The following TET3 variants were observed in gnomAD, a reference collection of about 807,000 sequenced individuals.
TET3 encodes tet methylcytosine dioxygenase 3, also known as methylcytosine dioxygenase TET3.
A neutral mutation model predicts 141.4 loss-of-function variants in TET3; 19 were observed. The observed-to-expected ratio is 0.13, with a 90% CI of 0.09 to 0.20. The LOEUF (loss-of-function observed/expected upper bound fraction) is 0.20. Ranked by LOEUF, TET3 falls within the 10% of genes least tolerant of loss-of-function variation. TET3 has a pLI of 1.00. For missense variants in TET3, 1,874 were observed against 2,356.9 expected (o/e 0.80, Z 4.24); for synonymous variants, 1,043 against 980.9 (o/e 1.06, Z -1.18).
At position 74,093,499 on chromosome 2, in the gene TET3, G is replaced by C. The variant is rs765174475; in HGVS notation, c.3130-30G>C. On this transcript the variant is annotated intron_variant, in intron 9 of 11. Transcript: ENST00000409262. This position sits in a 1 kb window ranked among gnomAD's most constrained non-coding sequence, Gnocchi z 4.2. Reference sequence around the variant, plus strand: ...ATCGGGGCCACTCACCTCAGGTCATGTGAGCACCTCTCCTTGGCTGTCTAC... The same window carrying C: ...ATCGGGGCCACTCACCTCAGGTCATCTGAGCACCTCTCCTTGGCTGTCTAC... 2.5e-6 allele frequency: 4 copies of C among 1,573,024 alleles called. No homozygotes were observed. The highest frequency in any genetic ancestry group is 1.7e-4 in the Middle Eastern group (1 of 5,876).
chr2:74,066,488 A>G (rs1010237135), intron 4 of TET3, among the ~76,000 whole-genome samples: 3 of 152,206 alleles, frequency 2.0e-5, no homozygotes, highest in Non-Finnish European at 4.4e-5. Context: ...AAATTTGTAC[A>G]TGTATACTAG....
chr2:74,090,508 C>T (rs898577107), intron 8 of TET3, among the ~76,000 whole-genome samples: 1 of 152,208 alleles, frequency 6.6e-6, no homozygotes, highest in African/African-American at 2.4e-5. Context: ...ACAGATGTCT[C>T]TGGGCAGTCA....
At chr2:74,135,260 C>T in the TET3 span, 1 of 457,894 alleles carries the variant, frequency 2.2e-6, no homozygotes, top group Non-Finnish European at 3.9e-6. Context: ...GAGGCCTGAG[C>T]AGTTTCGTGG....
chr2:74,074,585 G>A (rs949911922), intron 5 of TET3, among the ~76,000 whole-genome samples: 1 of 152,224 alleles, frequency 6.6e-6, no homozygotes, highest in African/African-American at 2.4e-5. Flanking sequence ...GCAGGGACTT[G>A]AGCCAGACTG....
intron 6 of TET3, among the ~76,000 whole-genome samples, chr2:74,083,234 TG>T (rs1344691030): frequency 6.6e-6 from 1 of 152,210 alleles, no homozygotes; most frequent in East Asian, 1.9e-4. Context: ...AGGCGTGCCC[TG>T]GTTGCACTCT....
intron 2 of TET3, among the ~76,000 whole-genome samples, chr2:73,990,076 T>C (rs1004252921): frequency 5.3e-5 from 8 of 152,100 alleles, no homozygotes; most frequent in African/African-American, 1.9e-4. Flanking sequence ...TAAACAACTG[T>C]GCATTAGTCT....
At chr2:74,085,196 G>A (rs1690055278) in intron 6 of TET3, among the ~76,000 whole-genome samples, 1 of 152,050 alleles carries the variant, frequency 6.6e-6, no homozygotes, top group African/African-American at 2.4e-5. Context: ...TTTGGAGAGG[G>A]ATTTTATGTA....
At chr2:74,034,344 A>G (rs1446865323) in intron 3 of TET3, among the ~76,000 whole-genome samples, 4 of 151,864 alleles carry the variant, frequency 2.6e-5, no homozygotes, top group Non-Finnish European at 4.4e-5. Flanking sequence ...CCAGTTCCCC[A>G]AGTTAGCTGG....
At chr2:74,132,801 A>C in the TET3 span, among the ~76,000 whole-genome samples, 1 of 152,252 alleles carries the variant, frequency 6.6e-6, no homozygotes, top group Non-Finnish European at 1.5e-5. Context: ...AGGAAGGGAC[A>C]GCAGATGAAG....
the TET3 span, chr2:74,135,109 A>G: frequency 4.8e-6 from 1 of 207,982 alleles, no homozygotes; most frequent in Admixed American, 5.3e-5. Flanking sequence ...GGCACCCCCA[A>G]ATTTTCAGAG....
chr2:74,006,937 T>C (rs959207971), intron 3 of TET3, among the ~76,000 whole-genome samples: 1 of 152,236 alleles, frequency 6.6e-6, no homozygotes, highest in Non-Finnish European at 1.5e-5. Context: ...ATCTGTAGAT[T>C]AGTGTATTCT....
intron 3 of TET3, among the ~76,000 whole-genome samples, chr2:74,038,914 C>G (rs1007496324): frequency 6.6e-6 from 1 of 152,222 alleles, no homozygotes; most frequent in Non-Finnish European, 1.5e-5. Flanking sequence ...GGGATTGATT[C>G]TGTTCCTTGT....
intron 3 of TET3, among the ~76,000 whole-genome samples, chr2:74,024,410 T>C (rs1163365532): frequency 6.6e-6 from 1 of 152,186 alleles, no homozygotes; most frequent in African/African-American, 2.4e-5. Context: ...GGGTGGACCC[T>C]GTTCCCAGGC....
intron 4 of TET3, among the ~76,000 whole-genome samples, chr2:74,061,568 G>A (rs1366852932): frequency 6.1e-5 from 8 of 130,768 alleles, no homozygotes; most frequent in East Asian, 2.5e-4. Flanking sequence ...CTCACCTCCC[G>A]GACGGGGCGG....
intron 3 of TET3, among the ~76,000 whole-genome samples, chr2:74,007,400 G>A (rs1027571374): frequency 6.6e-6 from 1 of 152,206 alleles, no homozygotes; most frequent in African/African-American, 2.4e-5. Context: ...GAGGGCAGTG[G>A]GGTCAGAAAT....
intron 4 of TET3, among the ~76,000 whole-genome samples, chr2:74,067,474 A>G (rs1688972027): frequency 6.6e-6 from 1 of 152,208 alleles, no homozygotes; most frequent in South Asian, 2.1e-4. Context: ...AGGATTAGAG[A>G]GGTTGGGAAG....
At chr2:74,072,052 A>T (rs1462081635) in intron 4 of TET3, among the ~76,000 whole-genome samples, 3 of 152,182 alleles carry the variant, frequency 2.0e-5, no homozygotes, top group Admixed American at 6.5e-5. Flanking sequence ...ATGATTCCAA[A>T]AAAACACCGT....
At chr2:74,036,577 C>T (rs1290734793) in intron 3 of TET3, among the ~76,000 whole-genome samples, 1 of 152,160 alleles carries the variant, frequency 6.6e-6, no homozygotes, top group Non-Finnish European at 1.5e-5. Context: ...TGGCTGTGCT[C>T]TTCCACATTG....
intron 6 of TET3, among the ~76,000 whole-genome samples, chr2:74,084,413 G>C (rs1190258443): frequency 1.3e-5 from 2 of 151,942 alleles, no homozygotes; most frequent in Non-Finnish European, 2.9e-5. Flanking sequence ...GCTCACCTGA[G>C]ATCAGGAGTT....
Sources: gnomAD v4.1 joint callset for allele counts (sites outside exome capture counted in the v4.1 genomes callset) on GRCh38, gnomAD v4.1.1 for gene constraint, Gnocchi (gnomAD v3.1) non-coding constraint, MANE v1.5 for transcripts, NCBI Gene and HGNC (gene_info 2026-07-23, HGNC 2026-07-21) for gene names.